Variants in PTPRN2 observed in about 807,000 individuals in gnomAD.
PTPRN2 encodes protein tyrosine phosphatase receptor type N2, also known as receptor-type tyrosine-protein phosphatase N2.
Under a neutral mutation model 118.8 loss-of-function variants are expected in PTPRN2, and 74 were observed. That is an observed-to-expected ratio of 0.62 (90% CI 0.52 to 0.76). PTPRN2 has a LOEUF of 0.76. Ranked by LOEUF, PTPRN2 falls within the 30% of genes least tolerant of loss-of-function variation. The probability of loss-of-function intolerance (pLI) is 0.00; values close to 1 mark genes in which losing one functional copy is unlikely to be tolerated. For synonymous variants in PTPRN2, 641 were observed against 608.0 expected (o/e 1.05, Z -0.80); for missense variants, 1,481 against 1,394.4 (o/e 1.06, Z -0.99).
chr7:158,022,224 C>T lies in PTPRN2; in HGVS notation c.1723+59074G>A, dbSNP rs182567322. On this transcript the variant is annotated intron_variant, in intron 11 of 22. Coordinates refer to ENST00000389418, the MANE Select transcript of PTPRN2 (RefSeq NM_002847.5). The surrounding 1 kb of genome is among the most constrained non-coding windows in gnomAD (Gnocchi z 4.6). The stretch of plus-strand genomic sequence containing the variant: ...AAATTGTGAAACTCAAGGGGCATCA[C>T]CTGAGTGCTTTTACTTTCCCCATTG... Among the ~76,000 whole-genome samples, 132 of 152,356 alleles carry T rather than the reference C, an allele frequency of 8.7e-4. 1 individual carries two copies. In the Middle Eastern group the frequency reaches 0.017, roughly 20 times the overall value.
intron 1 of PTPRN2, among the ~76,000 whole-genome samples, chr7:158,511,686 G>A (rs972711558): frequency 2.6e-5 from 4 of 152,130 alleles, no homozygotes; most frequent in African/African-American, 9.7e-5. Context: ...TCATGTCCCC[G>A]CACACCCCTG....
At chr7:158,442,296 A>C (rs1817405849) in intron 2 of PTPRN2, among the ~76,000 whole-genome samples, 2 of 152,114 alleles carry the variant, frequency 1.3e-5, no homozygotes, top group South Asian at 4.1e-4. Context: ...GTCATCATAC[A>C]ATGTGTAAAG....
At chr7:157,837,630 G>C (rs1310940933) in intron 12 of PTPRN2, among the ~76,000 whole-genome samples, 1 of 152,034 alleles carries the variant, frequency 6.6e-6, no homozygotes, top group Non-Finnish European at 1.5e-5. Context: ...TGAGTCCTTC[G>C]CACTCCTGCC....
chr7:158,494,204 C>A (rs1171438910), intron 1 of PTPRN2, among the ~76,000 whole-genome samples: 1 of 152,248 alleles, frequency 6.6e-6, no homozygotes, highest in Admixed American at 6.5e-5. Flanking sequence ...AAGCTCGGCA[C>A]ATCCTGTACC....
At chr7:157,604,598 GA>G (rs1433831572) in intron 15 of PTPRN2, among the ~76,000 whole-genome samples, 1 of 152,160 alleles carries the variant, frequency 6.6e-6, no homozygotes, top group Non-Finnish European at 1.5e-5. Flanking sequence ...TTTCAAAATA[GA>G]AAGTTTCATA....
At chr7:158,366,015 G>A (rs1235449389) in intron 2 of PTPRN2, among the ~76,000 whole-genome samples, 15 of 138,370 alleles carry the variant, frequency 1.1e-4, no homozygotes, top group East Asian at 9.1e-4. Flanking sequence ...CCCAATGCAC[G>A]TGTGCAAATA....
chr7:158,496,027 TTGGGGGGCAG>T (rs1258182152), intron 1 of PTPRN2, among the ~76,000 whole-genome samples: 2 of 151,792 alleles, frequency 1.3e-5, no homozygotes, highest in South Asian at 2.1e-4. Context: ...CGGACAGGGC[TTGGGGGGCAG>T]CAGGGGGCAG....
intron 2 of PTPRN2, among the ~76,000 whole-genome samples, chr7:158,442,355 C>T (rs1046597343): frequency 1.3e-5 from 2 of 152,064 alleles, no homozygotes; most frequent in Admixed American, 1.3e-4. Flanking sequence ...TATGTGCAAA[C>T]GTACGAGAGC....
chr7:157,680,905 A>C (rs1362168341), intron 13 of PTPRN2, among the ~76,000 whole-genome samples: 1 of 152,244 alleles, frequency 6.6e-6, no homozygotes, highest in African/African-American at 2.4e-5. Context: ...GCTCATTATA[A>C]AATCAATATC....
At chr7:158,150,368 C>A (rs1334848864) in intron 6 of PTPRN2, among the ~76,000 whole-genome samples, 6 of 152,204 alleles carry the variant, frequency 3.9e-5, no homozygotes, top group Non-Finnish European at 7.3e-5. Context: ...AAGGGTGTAC[C>A]CCAGTCTCCG....
chr7:158,078,567 C>T (rs541941041), intron 11 of PTPRN2, among the ~76,000 whole-genome samples: 6 of 152,386 alleles, frequency 3.9e-5, no homozygotes, highest in Non-Finnish European at 7.3e-5. Context: ...AGCCTGTCTA[C>T]GTCTCACCTG....
intron 12 of PTPRN2, among the ~76,000 whole-genome samples, chr7:157,838,237 A>G (rs1305929133): frequency 5.1e-4 from 67 of 132,480 alleles, no homozygotes; most frequent in African/African-American, 1.1e-3. Flanking sequence ...AGTTCCTCTC[A>G]TAGTGGATGG....
chr7:157,939,956 G>T (rs1206601922), intron 11 of PTPRN2, among the ~76,000 whole-genome samples: 1 of 152,210 alleles, frequency 6.6e-6, no homozygotes, highest in East Asian at 1.9e-4. Context: ...GCACAGGCGG[G>T]GAAGAGCAGG....
chr7:157,545,804 C>T (rs1019166540), intron 22 of PTPRN2, among the ~76,000 whole-genome samples: 2 of 152,176 alleles, frequency 1.3e-5, no homozygotes, highest in Non-Finnish European at 2.9e-5. Context: ...TCACCCTCGA[C>T]GGCTCGCTCT....
At chr7:158,091,919 GTT>G (rs1472422692) in intron 10 of PTPRN2, among the ~76,000 whole-genome samples, 2 of 144,536 alleles carry the variant, frequency 1.4e-5, no homozygotes, top group African/African-American at 2.6e-5. Flanking sequence ...TAGAGAGATG[GTT>G]GGGTGGGTGG....
In PTPRN2 at chr7:158,015,454, T is replaced by TGAGAGA. The variant is rs147111668; in HGVS notation, c.1723+65838_1723+65843dup. ...AGGGAAAAAGTGAGAGGAGGGGTGG[T>TGAGAGA]GAGAGAGAGAGAGAGAGGAAGAGAG... On this transcript the variant is annotated intron_variant, in intron 11 of 22. Transcript: ENST00000389418. This position sits in a 1 kb window ranked among gnomAD's most constrained non-coding sequence, Gnocchi z 4.2. Among the ~76,000 whole-genome samples, 285 of 127,682 alleles carry TGAGAGA rather than the reference T, an allele frequency of 2.2e-3. No individual in the cohort carries two copies. Among genetic ancestry groups the TGAGAGA allele is most frequent in the African/African-American group, 8.1e-3 (270 of 33,442 alleles). The allele number at this position is 127,682 out of a possible 152,430, so 83.8% of individuals were successfully genotyped here. A position where few individuals can be genotyped will look rare whatever the true frequency, so the allele number is the denominator to read the frequency against.
chr7:157,993,329 T>TA (rs111331744), intron 11 of PTPRN2, among the ~76,000 whole-genome samples: 3,877 of 144,848 alleles, frequency 0.027, 141 homozygotes, highest in African/African-American at 0.092. Context: ...TTTATGAAAT[T>TA]AAAAAAAAAA....
intron 12 of PTPRN2, among the ~76,000 whole-genome samples, chr7:157,716,937 C>T (rs200652774): frequency 2.0e-4 from 21 of 103,750 alleles, no homozygotes; most frequent in Admixed American, 5.8e-4. Context: ...TGCCTGGCCA[C>T]GTAGACTCTG....
intron 2 of PTPRN2, among the ~76,000 whole-genome samples, chr7:158,482,257 G>A (rs984757990): frequency 6.6e-6 from 1 of 152,224 alleles, no homozygotes; most frequent in African/African-American, 2.4e-5. Flanking sequence ...GGGGTTGAAA[G>A]GATTGACTCT....
Sources: gnomAD v4.1 joint callset for allele counts (sites outside exome capture counted in the v4.1 genomes callset) on GRCh38, gnomAD v4.1.1 for gene constraint, Gnocchi (gnomAD v3.1) non-coding constraint, MANE v1.5 for transcripts, NCBI Gene and HGNC (gene_info 2026-07-23, HGNC 2026-07-21) for gene names.